The following LEMD3 variants were observed in gnomAD, a reference collection of about 807,000 sequenced individuals.
The protein encoded by LEMD3 is LEM domain containing 3, also known as inner nuclear membrane protein Man1.
Under a neutral mutation model 95.2 loss-of-function variants are expected in LEMD3, and 33 were observed. The observed-to-expected ratio is 0.35, with a 90% CI of 0.26 to 0.46. The LOEUF is 0.46. Ranked by LOEUF, LEMD3 falls within the 20% of genes least tolerant of loss-of-function variation. The pLI, the probability that LEMD3 is intolerant of heterozygous loss-of-function variation, is 1.00. For missense variants in LEMD3, 1,210 were observed against 1,192.8 expected (o/e 1.01, Z -0.21); for synonymous variants, 525 against 474.6 (o/e 1.11, Z -1.38).
chr12:65,228,635 A>G (rs1354948165), intron 4 of LEMD3, among the ~76,000 whole-genome samples: 2 of 152,132 alleles, frequency 1.3e-5, no homozygotes, highest in African/African-American at 4.8e-5. Context: ...TGACCTCGTC[A>G]TCTGCCCGCC....
intron 1 of LEMD3, among the ~76,000 whole-genome samples, chr12:65,179,802 T>G (rs190016458): frequency 1.3e-5 from 2 of 152,338 alleles, no homozygotes; most frequent in East Asian, 3.9e-4. Flanking sequence ...TTTAATCTTG[T>G]ATTGATTATA....
In LEMD3 at chr12:65,170,862, C is replaced by T; in HGVS notation, c.1266C>T (p.Leu422=). 2 of 1,614,150 alleles carry T rather than the reference C, an allele frequency of 1.2e-6. No homozygotes were observed. The highest frequency in any genetic ancestry group is 1.1e-5 in the South Asian group (1 of 91,074). ...PSAAVAASSS[L]RINHANHTGS... ...CGGCGGTGGCCGCCTCTAGTTCACT[C>T]AGGATCAATCACGCCAATCATACGG... The change falls in exon 1 of 13, where the codon CTC becomes CTT. Residue 422 remains leucine, a synonymous_variant. Transcript: ENST00000308330.
chr12:65,187,026 T>G (rs1010395021), intron 1 of LEMD3, among the ~76,000 whole-genome samples: 3 of 152,104 alleles, frequency 2.0e-5, no homozygotes, highest in African/African-American at 7.2e-5. Flanking sequence ...TATTACAGGG[T>G]TGTTGCCATA....
Position 65,210,973 on chromosome 12 carries a change from C to CGA in LEMD3, c.1560+11_1560+12dup, listed in dbSNP as rs748247222. On this transcript the variant is annotated intron_variant, in intron 2 of 12. Transcript: ENST00000308330. The stretch of plus-strand genomic sequence containing the variant: ...ATTTGGAAAAATACAAGTAAGTAAA[C>CGA]GATCATAATACTGATAATTTTGTGT... 1.3e-6 allele frequency: 2 copies of CGA among 1,558,972 alleles called. No homozygotes were observed. Among genetic ancestry groups the CGA allele is most frequent in the Non-Finnish European group, 1.8e-6 (2 of 1,130,416 alleles).
chr12:65,181,179 T>A (rs1336509290), intron 1 of LEMD3, among the ~76,000 whole-genome samples: 1 of 152,206 alleles, frequency 6.6e-6, no homozygotes, highest in Non-Finnish European at 1.5e-5. Flanking sequence ...GCCTCTGAGC[T>A]ATGGCTTGGA....
At chr12:65,200,072 G>C (rs567865578) in intron 1 of LEMD3, among the ~76,000 whole-genome samples, 2 of 151,534 alleles carry the variant, frequency 1.3e-5, no homozygotes, top group East Asian at 4.0e-4. Context: ...GCCACCTTCT[G>C]CATTGCAGAT....
intron 11 of LEMD3, 43 bp downstream of exon 11, chr12:65,245,817 T>C: frequency 6.2e-7 from 1 of 1,602,100 alleles, no homozygotes; most frequent in Non-Finnish European, 8.5e-7. Flanking sequence ...TTGGATTTGT[T>C]GCTATTAAAC....
chr12:65,174,463 TATTA>T (rs1868651385), intron 1 of LEMD3, among the ~76,000 whole-genome samples: 1 of 152,122 alleles, frequency 6.6e-6, no homozygotes, highest in Non-Finnish European at 1.5e-5. Flanking sequence ...GTATGATCAT[TATTA>T]ATTTTTTTTT....
In LEMD3 at chr12:65,170,478, C is replaced by G. The variant is rs764393737; in HGVS notation, c.882C>G (p.Leu294=). 8.7e-6 allele frequency: 14 copies of G among 1,613,340 alleles called. No homozygotes were observed. Among genetic ancestry groups the G allele is most frequent in the Non-Finnish European group, 1.2e-5 (14 of 1,179,830 alleles). ...CCAGACGAACCCATAGTAAGCCTCTCCCCCCGCTGACTGCTAAATCGGCCG... is the reference window on the plus strand; with the variant it reads ...CCAGACGAACCCATAGTAAGCCTCTGCCCCCGCTGACTGCTAAATCGGCCG... ...HRPRRTHSKP[L]PPLTAKSAGG... The change falls in exon 1 of 13, where the codon CTC becomes CTG. Residue 294 remains leucine (L), a synonymous_variant. Transcript: ENST00000308330.
chr12:65,203,238 A>G (rs558044437), intron 1 of LEMD3, among the ~76,000 whole-genome samples: 3 of 151,970 alleles, frequency 2.0e-5, no homozygotes, highest in East Asian at 1.9e-4. Flanking sequence ...GATCTTGTGC[A>G]GTAGGGTATG....
At position 65,170,888 on chromosome 12, in the gene LEMD3, G is replaced by C; in HGVS notation, c.1292G>C (p.Gly431Ala). 1 of 1,614,178 alleles carries C rather than the reference G, an allele frequency of 6.2e-7. No individual in the cohort carries two copies. The highest frequency in any genetic ancestry group is 8.5e-7 in the Non-Finnish European group (1 of 1,180,026). Residue 431 changes from glycine to alanine, a missense_variant, in exon 1 of 13, where the codon GGC becomes GCC. By Grantham distance (60) the Gly-to-Ala change is moderately conservative. This residue lies in a region of LEMD3 where 749 missense variants were observed against 622.9 expected (regional missense o/e 1.20). Coordinates refer to ENST00000308330, the MANE Select transcript of LEMD3 (RefSeq NM_014319.5). Reference sequence around the variant, plus strand: ...AGGATCAATCACGCCAATCATACGGGCTCCAATCATACCTACCTGAAAAAC... The same window carrying C: ...AGGATCAATCACGCCAATCATACGGCCTCCAATCATACCTACCTGAAAAAC... ...SLRINHANHT[G>A]SNHTYLKNTY...
At chr12:65,201,056 A>C (rs904059187) in intron 1 of LEMD3, among the ~76,000 whole-genome samples, 3 of 152,142 alleles carry the variant, frequency 2.0e-5, no homozygotes, top group Non-Finnish European at 4.4e-5. Context: ...TGAAAAAACT[A>C]TCTTTGCTCC....
At chr12:65,204,133 A>AATGTCATC (rs1869689853) in intron 1 of LEMD3, among the ~76,000 whole-genome samples, 1 of 151,500 alleles carries the variant, frequency 6.6e-6, no homozygotes, top group South Asian at 2.1e-4. Flanking sequence ...AGTCAGACTT[A>AATGTCATC]ATGTCATCAA....
chr12:65,170,441 C>A lies in LEMD3; in HGVS notation c.845C>A (p.Ser282Tyr). The A allele has an allele frequency of 1.2e-6, 2 of 1,613,986 alleles. No individual in the cohort carries two copies. The highest frequency in any genetic ancestry group is 1.7e-6 in the Non-Finnish European group (2 of 1,179,976). ...CAGGTATTAAAGGACGACTCCCTTT[C>A]CCGGCATCGGCCCAGACGAACCCAT... ...SRQVLKDDSLSRHRPRRTHSK... is the reference protein window; with the variant it reads ...SRQVLKDDSLYRHRPRRTHSK... Residue 282 changes from serine (S) to tyrosine (Y), a missense_variant, in exon 1 of 13, where the codon TCC becomes TAC. Around this residue, in one of 2 missense-constraint regions of LEMD3, gnomAD observed 749 missense variants for 622.9 expected, o/e 1.20. Transcript: ENST00000308330.
intron 4 of LEMD3, among the ~76,000 whole-genome samples, chr12:65,220,085 A>G (rs1870238389): frequency 6.6e-6 from 1 of 152,210 alleles, no homozygotes; most frequent in African/African-American, 2.4e-5. Flanking sequence ...TTGATAGATA[A>G]TATGGTAGTT....
At chr12:65,240,417 C>T in intron 8 of LEMD3, 179 bp downstream of exon 8, 1 of 573,312 alleles carries the variant, frequency 1.7e-6, no homozygotes, top group Non-Finnish European at 3.1e-6. Context: ...CTTCCATTCT[C>T]CTGATTTTGA....
intron 1 of LEMD3, among the ~76,000 whole-genome samples, chr12:65,210,255 T>G (rs1269216966): frequency 1.3e-5 from 2 of 152,070 alleles, no homozygotes; most frequent in Non-Finnish European, 2.9e-5. Context: ...CTGTATTTTT[T>G]TTTCTTGCCA....
At chr12:65,246,132 A>T (rs996788402) in intron 12 of LEMD3, 30 bp from the exon 13 acceptor site, 1 of 1,540,616 alleles carries the variant, frequency 6.5e-7, no homozygotes, top group Non-Finnish European at 9.0e-7. Flanking sequence ...AGTTTTACTG[A>T]TCTAAAATAT....
At chr12:65,193,625 T>G (rs1869313545) in intron 1 of LEMD3, among the ~76,000 whole-genome samples, 7 of 152,096 alleles carry the variant, frequency 4.6e-5, no homozygotes, top group Admixed American at 4.6e-4. Flanking sequence ...TTCAGGTGTT[T>G]CTGTTTACTG....
Sources: gnomAD v4.1 joint callset for allele counts (sites outside exome capture counted in the v4.1 genomes callset) on GRCh38, gnomAD v4.1.1 for gene constraint, gnomAD v4.1.1 regional missense constraint, MANE v1.5 for transcripts, NCBI Gene and HGNC (gene_info 2026-07-23, HGNC 2026-07-21) for gene names.